SEMA4A: variants seen among roughly 807,000 people sequenced by gnomAD.
The protein encoded by SEMA4A is semaphorin 4A.
A neutral mutation model predicts 72.5 loss-of-function variants in SEMA4A; 52 were observed. The ratio of observed to expected loss-of-function variants is 0.72; its 90% CI spans 0.57 to 0.90. The LOEUF (loss-of-function observed/expected upper bound fraction) is 0.90, where lower values mean the gene tolerates loss of function less well. Among genes scored for constraint, SEMA4A ranks in the 40% least tolerant of loss-of-function variants. SEMA4A has a pLI of 0.00. For synonymous variants in SEMA4A, 369 were observed against 393.1 expected, an observed-to-expected ratio of 0.94 and a Z score of 0.73; for missense variants, 926 against 959.7, an observed-to-expected ratio of 0.96 and a Z score of 0.46.
Position 156,177,228 on chromosome 1 carries a change from G to T in SEMA4A, c.*231G>T, listed in dbSNP as rs1655444467. The T allele has an allele frequency of 8.3e-6, 5 of 604,706 alleles. No individual in the cohort carries two copies. Among genetic ancestry groups the T allele is most frequent in the South Asian group, 5.6e-5 (3 of 53,122 alleles). The allele number at this position is 604,706 out of a possible 1,614,324, so 37.5% of individuals were successfully genotyped here. On this transcript the variant is annotated 3_prime_UTR_variant, in exon 15 of 15. Transcript: ENST00000368285. ...ACATGAGCTCTCTAACAGGGTGGGG[G>T]CTACCCCCAGACCTGCTCCTACACT...
chr1:156,167,185 G>C (rs778715904), intron 10 of SEMA4A, among the ~76,000 whole-genome samples: 7 of 151,558 alleles, frequency 4.6e-5, no homozygotes, highest in Non-Finnish European at 1.0e-4. Flanking sequence ...ACCTGGGATT[G>C]TATAGATTAA....
In SEMA4A at chr1:156,176,883, T is replaced by C. The variant is rs780112830; in HGVS notation, c.2172T>C (p.Pro724=). 6.2e-7 allele frequency: 1 copy of C among 1,614,232 alleles called. No homozygotes were observed. Among genetic ancestry groups the C allele is most frequent in the East Asian group, 2.2e-5 (1 of 44,888 alleles). Residue 724 remains proline (P), a synonymous_variant, in exon 15 of 15, where the codon CCT becomes CCC. Coordinates refer to ENST00000368285, the MANE Select transcript of SEMA4A (RefSeq NM_022367.4). The part of the protein sequence containing the change: ...GKVQGCETLR[P]GEKAPLSREQ... ...TTCAGGGCTGTGAGACCCTGCGCCC[T>C]GGGGAGAAGGCCCCGTTAAGCAGAG...
intron 10 of SEMA4A, 48 bp downstream of exon 10, chr1:156,163,142 G>C: frequency 6.2e-7 from 1 of 1,608,294 alleles, no homozygotes; most frequent in Non-Finnish European, 8.5e-7. Context: ...TACATAATGT[G>C]CATGAAAAAA....
At chr1:156,165,673 T>TA (rs1654083995) in intron 10 of SEMA4A, among the ~76,000 whole-genome samples, 1 of 152,044 alleles carries the variant, frequency 6.6e-6, no homozygotes, top group South Asian at 2.1e-4. Context: ...TTGTTTTTTT[T>TA]AATACTGATC....
intron 2 of SEMA4A, 51 bp downstream of exon 2, chr1:156,154,768 T>G (rs1652861633): frequency 1.3e-6 from 2 of 1,551,012 alleles, no homozygotes; most frequent in African/African-American, 1.4e-5. Flanking sequence ...GAGCTGGAGG[T>G]GGGTGGAGGA....
At chr1:156,154,528 G>T in intron 1 of SEMA4A, 22 bp from the exon 2 acceptor site, 1 of 1,585,614 alleles carries the variant, frequency 6.3e-7, no homozygotes, top group Non-Finnish European at 8.5e-7. Flanking sequence ...CCCAGAAAGT[G>T]CCCGGGTGCC....
At position 156,162,884 on chromosome 1, in the gene SEMA4A, GGA is replaced by G. The variant is rs1362941389; in HGVS notation, c.984-52_984-51del. The G allele has an allele frequency of 8.1e-6, 13 of 1,606,566 alleles. No homozygotes were observed. The South Asian group carries it at 1.3e-4, about 16-fold the overall frequency. ...GGTTTTCTCACTGAGGGCCAGCGCT[GGA>G]GAGAGAGCTGCTGGTGTGGCAGAGA... On this transcript the variant is annotated intron_variant, in intron 9 of 14. Coordinates refer to ENST00000368285, the MANE Select transcript of SEMA4A (RefSeq NM_022367.4).
At chr1:156,164,520 C>G (rs189894933) in intron 10 of SEMA4A, among the ~76,000 whole-genome samples, 23 of 152,294 alleles carry the variant, frequency 1.5e-4, no homozygotes, top group Non-Finnish European at 2.9e-5. Context: ...TGGAAGTATA[C>G]ATCACGGAAA....
chr1:156,170,704 A>T (rs2102993585), intron 10 of SEMA4A, among the ~76,000 whole-genome samples: 1 of 151,672 alleles, frequency 6.6e-6, no homozygotes, highest in East Asian at 1.9e-4. Context: ...CAGTGAACCA[A>T]GATCAGGCCT....
intron 14 of SEMA4A, 75 bp downstream of exon 14, chr1:156,175,731 T>C: frequency 1.0e-6 from 1 of 1,004,346 alleles, no homozygotes; most frequent in Non-Finnish European, 1.5e-6. Flanking sequence ...GCATTCCTGC[T>C]CCAATTTCCT....
chr1:156,160,864 C>G (rs1313708569), intron 7 of SEMA4A, 41 bp from the exon 8 acceptor site: 1 of 1,612,526 alleles, frequency 6.2e-7, no homozygotes, highest in East Asian at 2.2e-5. Flanking sequence ...CCAGGGCATG[C>G]AGGGGCTCAG....
In SEMA4A at chr1:156,172,812, CCCT is replaced by C. The variant is rs768185712; in HGVS notation, c.1135-7_1135-5del. 21 of 1,613,990 alleles carry C rather than the reference CCCT, an allele frequency of 1.3e-5. No individual in the cohort carries two copies. The East Asian group carries it at 4.2e-4, about 33-fold the overall frequency. On this transcript the variant is annotated splice_polypyrimidine_tract_variant and intron_variant, in intron 10 of 14. Transcript: ENST00000368285. Reference sequence around the variant, plus strand: ...AGGGGCAAACCAACCTGATCTGCCTCCCTCCTCCTTTAGTGCTCAGTGGGCCCC... The same window carrying C: ...AGGGGCAAACCAACCTGATCTGCCTCCCTCCTTTAGTGCTCAGTGGGCCCC...
chr1:156,161,156 G>T (rs1286633816), intron 8 of SEMA4A, 127 bp downstream of exon 8: 1 of 604,098 alleles, frequency 1.7e-6, no homozygotes, highest in Non-Finnish European at 2.7e-6. Flanking sequence ...CGGGCCTGGC[G>T]GGGTGGGGCG....
chr1:156,152,293 C>T (rs1235575278), upstream of SEMA4A, among the ~76,000 whole-genome samples: 1 of 152,086 alleles, frequency 6.6e-6, no homozygotes, highest in Non-Finnish European at 1.5e-5. Flanking sequence ...GAACTGGGGG[C>T]AGGGCATGGA....
chr1:156,158,653 C>G (rs1365330733), intron 5 of SEMA4A, 66 bp from the exon 6 acceptor site: 1 of 1,416,822 alleles, frequency 7.1e-7, no homozygotes, highest in Non-Finnish European at 1.0e-6. Flanking sequence ...CTTCCTTCCT[C>G]AAGCCCCTCA....
At chr1:156,163,240 CTGCCTAT>C in intron 10 of SEMA4A, 146 bp downstream of exon 10, 1 of 882,096 alleles carries the variant, frequency 1.1e-6, no homozygotes, top group Non-Finnish European at 1.8e-6. Context: ...CCTGGTATAG[CTGCCTAT>C]ATTCCACATG....
intron 11 of SEMA4A, among the ~76,000 whole-genome samples, chr1:156,173,774 G>T (rs1433487335): frequency 6.6e-6 from 1 of 152,120 alleles, no homozygotes; most frequent in East Asian, 1.9e-4. Flanking sequence ...GAGTGAGGGG[G>T]CAGGAAAGGT....
At chr1:156,169,880 C>T (rs1275551939) in intron 10 of SEMA4A, among the ~76,000 whole-genome samples, 3 of 151,164 alleles carry the variant, frequency 2.0e-5, no homozygotes, top group Admixed American at 2.0e-4. Flanking sequence ...CAAAAATTAG[C>T]TGGGTGTGGT....
chr1:156,160,610 C>T, intron 7 of SEMA4A, 51 bp downstream of exon 7: 1 of 1,470,530 alleles, frequency 6.8e-7, no homozygotes, highest in Non-Finnish European at 9.5e-7. Flanking sequence ...GGTGACCTTG[C>T]TAATTCACTC....
Sources: allele counts gnomAD v4.1 joint callset (sites outside exome capture counted in the v4.1 genomes callset), GRCh38; gene constraint gnomAD v4.1.1; transcripts MANE v1.5; gene names NCBI Gene and HGNC (gene_info 2026-07-23, HGNC 2026-07-21).